Variants in PHC3 observed in about 807,000 individuals in gnomAD.
PHC3 encodes polyhomeotic-like protein 3.
Under a neutral mutation model 107.4 loss-of-function variants are expected in PHC3, and 13 were observed. The ratio of observed to expected loss-of-function variants is 0.12; its 90% CI spans 0.08 to 0.19. PHC3 has a LOEUF of 0.19. PHC3 is among the 10% of genes least tolerant of loss of function. PHC3 has a pLI of 1.00. For synonymous variants in PHC3, 456 were observed against 427.4 expected (o/e 1.07, Z -0.83); for missense variants, 992 against 1,210.9 (o/e 0.82, Z 2.68).
At chr3:170,100,029 C>T (rs1488038105) in intron 14 of PHC3, among the ~76,000 whole-genome samples, 6 of 152,068 alleles carry the variant, frequency 3.9e-5, no homozygotes, top group African/African-American at 1.2e-4. Context: ...AATTAGAAGG[C>T]GGTAATTTTT....
At chr3:170,110,387 G>A (rs944941545) in intron 11 of PHC3, among the ~76,000 whole-genome samples, 13 of 151,970 alleles carry the variant, frequency 8.6e-5, no homozygotes, top group Admixed American at 7.2e-4. Flanking sequence ...GCCCTCTCTC[G>A]AAGTTACCTA....
chr3:170,162,923 T>C (rs892725353), intron 4 of PHC3, among the ~76,000 whole-genome samples: 2 of 152,092 alleles, frequency 1.3e-5, no homozygotes, highest in Non-Finnish European at 2.9e-5. Flanking sequence ...GCCACCTTTA[T>C]TAACAAGGCT....
intron 8 of PHC3, among the ~76,000 whole-genome samples, chr3:170,123,315 T>C (rs1023868822): frequency 6.6e-6 from 1 of 151,156 alleles, no homozygotes; most frequent in Non-Finnish European, 1.5e-5. Flanking sequence ...TGACTCTTTA[T>C]ATATAATATG....
At chr3:170,122,440 TA>T (rs1560052566) in intron 9 of PHC3, 150 bp downstream of exon 9, 1 of 789,322 alleles carries the variant, frequency 1.3e-6, no homozygotes, top group Non-Finnish European at 2.0e-6. Context: ...CTCGTCACCA[TA>T]AAAAATAAAA....
At chr3:170,165,577 A>C (rs74643988) in intron 4 of PHC3, among the ~76,000 whole-genome samples, 16,750 of 151,734 alleles carry the variant, frequency 0.11, 987 homozygotes, top group Middle Eastern at 0.16. Context: ...AAATGGGAGA[A>C]ACCCCGTCTC....
At chr3:170,117,939 G>C (rs983280321) in intron 9 of PHC3, among the ~76,000 whole-genome samples, 6 of 152,092 alleles carry the variant, frequency 3.9e-5, no homozygotes, top group Admixed American at 3.9e-4. Context: ...CTTGAGCCCA[G>C]GAGGCGGAGG....
intron 4 of PHC3, among the ~76,000 whole-genome samples, chr3:170,166,418 G>A (rs1728756722): frequency 6.6e-6 from 1 of 152,114 alleles, no homozygotes; most frequent in Non-Finnish European, 1.5e-5. Flanking sequence ...ATGCATTCTT[G>A]CTTCTTACAC....
chr3:170,157,503 T>C (rs550517603), intron 4 of PHC3, among the ~76,000 whole-genome samples: 3 of 152,226 alleles, frequency 2.0e-5, no homozygotes, highest in Non-Finnish European at 4.4e-5. Context: ...CAGTTTTATC[T>C]CACACTAGTA....
intron 4 of PHC3, among the ~76,000 whole-genome samples, chr3:170,168,367 C>T (rs1166543151): frequency 6.6e-6 from 1 of 152,108 alleles, no homozygotes; most frequent in Non-Finnish European, 1.5e-5. Context: ...GTTTAACTTC[C>T]ATTTTAAAAT....
intron 14 of PHC3, among the ~76,000 whole-genome samples, chr3:170,098,722 C>T (rs1352204): frequency 0.44 from 67,385 of 151,944 alleles, 15,216 homozygotes; most frequent in East Asian, 0.69. Flanking sequence ...TCTTTTCTCA[C>T]GTCCTCTGTT....
intron 11 of PHC3, among the ~76,000 whole-genome samples, chr3:170,110,320 T>A (rs1335884291): frequency 6.6e-6 from 1 of 152,116 alleles, no homozygotes; most frequent in East Asian, 1.9e-4. Context: ...CTCCAGAAAC[T>A]CACTCTGCCA....
chr3:170,171,876 AC>A (rs1729651771), intron 3 of PHC3, among the ~76,000 whole-genome samples: 1 of 152,174 alleles, frequency 6.6e-6, no homozygotes, highest in African/African-American at 2.4e-5. Flanking sequence ...ACAGAAATAA[AC>A]CTTTTTCAGG....
chr3:170,109,404 A>G lies in PHC3; in HGVS notation c.2354-2458T>C, dbSNP rs7340671. 7.5e-3 allele frequency among the ~76,000 whole-genome samples: 1,148 copies of G among 152,274 alleles called. 17 individuals are homozygous for G. The highest frequency in any genetic ancestry group is 0.027 in the African/African-American group (1,104 of 41,550). On this transcript the variant is annotated intron_variant, in intron 11 of 14. Coordinates refer to ENST00000495893, the MANE Select transcript of PHC3 (RefSeq NM_024947.4). ...CATGAAGATCAGCCATCTTGGAAAT[A>G]AAAGTAACATTCTACAGATGACAGA... is the stretch of plus-strand genomic sequence containing the variant.
rs1335286318 is a variant in PHC3, at chr3:170,102,603, T to C, written c.2709A>G (p.Glu903=). 1.9e-6 allele frequency: 3 copies of C among 1,613,988 alleles called. No individual in the cohort carries two copies. Residue 903 remains glutamate, a synonymous_variant, in exon 14 of 15, where the codon GAA becomes GAG. Transcript: ENST00000495893. ...GAATTCTCACATCCCGAAGCTCACG[T>C]TCTCTTTCCCGCTCGCTCTGCCTGC... ...RLRRQSERER[E]RELRDVRIRK... is the part of the protein sequence containing the mutation.
At chr3:170,120,506 A>G (rs910367909) in intron 9 of PHC3, among the ~76,000 whole-genome samples, 4 of 151,936 alleles carry the variant, frequency 2.6e-5, no homozygotes, top group African/African-American at 9.7e-5. Flanking sequence ...CCAGGAGGCG[A>G]AAGTTGCAGT....
At chr3:170,111,663 A>G (rs76035407) in intron 11 of PHC3, among the ~76,000 whole-genome samples, 47 of 152,370 alleles carry the variant, frequency 3.1e-4, no homozygotes, top group Non-Finnish European at 5.6e-4. Flanking sequence ...AACTGAACTC[A>G]GAATAAGTAG....
At chr3:170,138,712 A>G (rs993865023) in intron 6 of PHC3, among the ~76,000 whole-genome samples, 1 of 144,726 alleles carries the variant, frequency 6.9e-6, no homozygotes, top group Non-Finnish European at 1.5e-5. Context: ...AAAAAAAAAG[A>G]TAAGAAAAAG....
chr3:170,144,445 A>T (rs1724635436), intron 6 of PHC3, among the ~76,000 whole-genome samples: 1 of 152,120 alleles, frequency 6.6e-6, no homozygotes, highest in South Asian at 2.1e-4. Context: ...CGCTGCTATA[A>T]ACATTCATTT....
chr3:170,177,355 G>A (rs1045076927), intron 2 of PHC3, among the ~76,000 whole-genome samples: 1 of 151,972 alleles, frequency 6.6e-6, no homozygotes, highest in Non-Finnish European at 1.5e-5. Context: ...ACAAATGTAA[G>A]CCCTCTCAAT....
Sources: gnomAD v4.1 joint callset for allele counts (sites outside exome capture counted in the v4.1 genomes callset) on GRCh38, gnomAD v4.1.1 for gene constraint, MANE v1.5 for transcripts, NCBI Gene and HGNC (gene_info 2026-07-23, HGNC 2026-07-21) for gene names.